TXNDC17: variants seen among roughly 807,000 people sequenced by gnomAD.
TXNDC17 encodes thioredoxin domain-containing protein 17.
A neutral mutation model predicts 16.3 loss-of-function variants in TXNDC17; 12 were observed. The ratio of observed to expected loss-of-function variants is 0.74; its 90% confidence interval spans 0.47 to 1.19. The LOEUF is 1.19. Ranked by LOEUF, TXNDC17 falls within the 50% of genes most tolerant of loss-of-function variation. TXNDC17 has a pLI of 0.00. For missense variants in TXNDC17, 158 were observed against 149.7 expected (o/e 1.06, Z -0.29); for synonymous variants, 62 against 55.0 (o/e 1.13, Z -0.56).
In TXNDC17 at chr17:6,644,332, T is replaced by A. The variant is rs1253634145; in HGVS notation, c.*1313T>A. 7.0e-6 allele frequency: 7 copies of A among 1,000,150 alleles called. No homozygotes were observed. Among genetic ancestry groups the A allele is most frequent in the Non-Finnish European group, 6.8e-6 (5 of 736,946 alleles). The allele number at this position is 1,000,150 out of a possible 1,614,324, so 62.0% of individuals were successfully genotyped here. On this transcript the variant is annotated 3_prime_UTR_variant, in exon 4 of 4. Coordinates refer to ENST00000250101, the MANE Select transcript of TXNDC17 (RefSeq NM_032731.4). ...AGTCTATTAACAATAAAAAGTTGGATGAAAAAGCACACTAAAGGTTCTAGG... is the reference window on the plus strand; with the variant it reads ...AGTCTATTAACAATAAAAAGTTGGAAGAAAAAGCACACTAAAGGTTCTAGG...
intron 3 of TXNDC17, chr17:6,642,549 G>C (rs1343995975): frequency 4.1e-6 from 2 of 486,734 alleles, no homozygotes; most frequent in African/African-American, 2.0e-5. Flanking sequence ...CCAGAAAGTA[G>C]GTTGACTCAT....
intron 2 of TXNDC17, 51 bp downstream of exon 2, chr17:6,641,885 T>C: frequency 1.3e-6 from 2 of 1,558,370 alleles, no homozygotes; most frequent in Non-Finnish European, 1.8e-6. Flanking sequence ...ATTGCATACT[T>C]AGGCGGGAAG....
Position 6,642,232 on chromosome 17 carries a change from T to G in TXNDC17, c.228-17T>G. The G allele has an allele frequency of 6.3e-7, 1 of 1,589,106 alleles. No individual in the cohort carries two copies. The highest frequency in any genetic ancestry group is 1.4e-5 in the African/African-American group (1 of 73,958). ...CCAAGTAAATTTTTTTCATGATCACTTTTTCTTTTCGAATAGTTGGAAAGA... is the reference window on the plus strand; with the variant it reads ...CCAAGTAAATTTTTTTCATGATCACGTTTTCTTTTCGAATAGTTGGAAAGA... On this transcript the variant is annotated splice_polypyrimidine_tract_variant and intron_variant, in intron 2 of 3. Coordinates refer to ENST00000250101, the MANE Select transcript of TXNDC17 (RefSeq NM_032731.4).
Position 6,644,316 on chromosome 17 carries a change from A to G in TXNDC17, c.*1297A>G. On this transcript the variant is annotated 3_prime_UTR_variant, in exon 4 of 4. Transcript: ENST00000250101. ...CAGGTTTAACAGAAATAGTCTATTAACAATAAAAAGTTGGATGAAAAAGCA... is the reference window on the plus strand; with the variant it reads ...CAGGTTTAACAGAAATAGTCTATTAGCAATAAAAAGTTGGATGAAAAAGCA... The G allele has an allele frequency of 1.2e-6, 1 of 800,662 alleles. No homozygotes were observed. Among genetic ancestry groups the G allele is most frequent in the Non-Finnish European group, 1.8e-6 (1 of 556,736 alleles). The allele number at this position is 800,662 out of a possible 1,614,324, so 49.6% of individuals were successfully genotyped here. A position where few individuals can be genotyped will look rare whatever the true frequency, so the allele number is the denominator to read the frequency against.
Position 6,642,944 on chromosome 17 carries a change from C to T in TXNDC17, c.304-7C>T. 2 of 1,611,658 alleles carry T rather than the reference C, an allele frequency of 1.2e-6. No individual in the cohort carries two copies. Among genetic ancestry groups the T allele is most frequent in the Non-Finnish European group, 1.7e-6 (2 of 1,178,006 alleles). On this transcript the variant is annotated splice_region_variant and splice_polypyrimidine_tract_variant and intron_variant, in intron 3 of 3. Coordinates refer to ENST00000250101, the MANE Select transcript of TXNDC17 (RefSeq NM_032731.4). ...GTAGTGAAGATTTGACTGTTTTTCT[C>T]TTACAGCCTCAAAAACTGGTAGAAT...
chr17:6,641,183 C>G lies in TXNDC17; in HGVS notation c.101C>G (p.Ser34Cys). Residue 34 changes from serine to cysteine, a missense_variant, in exon 1 of 4, where the codon TCT becomes TGT. Coordinates refer to ENST00000250101, the MANE Select transcript of TXNDC17 (RefSeq NM_032731.4). Reference protein sequence around the residue: ...GKTIFAYFTGSKDAGGKSWCP... With the variant: ...GKTIFAYFTGCKDAGGKSWCP... ...ACCATTTTCGCCTACTTTACGGGTT[C>G]TAAGGACGCCGGGGGGAAAAGCTGG... 2.5e-6 allele frequency: 4 copies of G among 1,613,722 alleles called. No homozygotes were observed. Among genetic ancestry groups the G allele is most frequent in the Non-Finnish European group, 3.4e-6 (4 of 1,180,022 alleles).
In TXNDC17 at chr17:6,641,966, T is replaced by C. The variant is rs1972685495; in HGVS notation, c.227+132T>C. On this transcript the variant is annotated intron_variant, in intron 2 of 3. Coordinates refer to ENST00000250101, the MANE Select transcript of TXNDC17 (RefSeq NM_032731.4). ...TGACAAGTTAAACAATTAGAAGCTA[T>C]TAAATACAAATTTAAAATGCCCACC... 3.5e-6 allele frequency: 3 copies of C among 866,160 alleles called. No homozygotes were observed. The South Asian group carries it at 4.6e-5, about 13-fold the overall frequency. 53.7% of individuals were successfully genotyped at this position (866,160 alleles called of 1,614,324 possible). A position where few individuals can be genotyped will look rare whatever the true frequency, so the allele number is the denominator to read the frequency against.
In TXNDC17 at chr17:6,643,339, TA is replaced by T. The variant is rs1972720202; in HGVS notation, c.*322del. ...CTCAAAAGATCAGTATCTTTTATTT[TA>T]AGTTATCTCCATCTGCAAAGCAACT... On this transcript the variant is annotated 3_prime_UTR_variant, in exon 4 of 4. Transcript: ENST00000250101. The T allele has an allele frequency of 9.6e-6, 2 of 208,620 alleles. No homozygotes were observed. The highest frequency in any genetic ancestry group is 2.3e-5 in the African/African-American group (1 of 43,176). 12.9% of individuals were successfully genotyped at this position (208,620 alleles called of 1,614,324 possible). A position where few individuals can be genotyped will look rare whatever the true frequency, so the allele number is the denominator to read the frequency against.
rs377529838 is a variant in TXNDC17 at position 6,642,975 on chromosome 17, T to G, written c.328T>G (p.Cys110Gly). 47 of 1,613,780 alleles carry G rather than the reference T, an allele frequency of 2.9e-5. No homozygotes were observed. The highest frequency in any genetic ancestry group is 3.6e-5 in the Non-Finnish European group (42 of 1,179,928). The stretch of plus-strand genomic sequence containing the variant: ...GCCTCAAAAACTGGTAGAATCTGAG[T>G]GTCTTCAGGCCAACCTGGTGGAAAT... ...GTPQKLVESECLQANLVEMLF... is the reference protein window; with the variant it reads ...GTPQKLVESEGLQANLVEMLF... Residue 110 changes from cysteine (C) to glycine (G), a missense_variant, in exon 4 of 4, where the codon TGT becomes GGT. By Grantham distance (159) the Cys-to-Gly change is radical. Coordinates refer to ENST00000250101, the MANE Select transcript of TXNDC17 (RefSeq NM_032731.4).
intron 2 of TXNDC17, 55 bp downstream of exon 2, chr17:6,641,889 C>CG: frequency 1.3e-6 from 2 of 1,509,978 alleles, no homozygotes; most frequent in South Asian, 1.1e-5. Context: ...CATACTTAGG[C>CG]GGGAAGGGCC....
At chr17:6,642,604 C>A in intron 3 of TXNDC17, 1 of 441,740 alleles carries the variant, frequency 2.3e-6, no homozygotes, top group Non-Finnish European at 4.0e-6. Flanking sequence ...CTGTTTAATT[C>A]ATAATTCTGG....
intron 1 of TXNDC17, 40 bp downstream of exon 1, chr17:6,641,267 G>A: frequency 1.9e-6 from 3 of 1,609,888 alleles, no homozygotes; most frequent in Non-Finnish European, 2.5e-6. Context: ...AATGGAAATG[G>A]CAGGAAGGTC....
intron 2 of TXNDC17, 113 bp downstream of exon 2, chr17:6,641,947 G>A (rs111250777): frequency 8.5e-6 from 8 of 945,882 alleles, no homozygotes; most frequent in African/African-American, 1.6e-5. Context: ...TGTCTGACAA[G>A]TTAAACAATT....
Position 6,642,934 on chromosome 17 carries a change from C to T in TXNDC17, c.304-17C>T. On this transcript the variant is annotated splice_polypyrimidine_tract_variant and intron_variant, in intron 3 of 3. Coordinates refer to ENST00000250101, the MANE Select transcript of TXNDC17 (RefSeq NM_032731.4). ...TTTTATAGAAGTAGTGAAGATTTGA[C>T]TGTTTTTCTCTTACAGCCTCAAAAA... 1 of 1,601,104 alleles carries T rather than the reference C, an allele frequency of 6.2e-7. No individual in the cohort carries two copies. Among genetic ancestry groups the T allele is most frequent in the Non-Finnish European group, 8.6e-7 (1 of 1,168,512 alleles).
In TXNDC17 at chr17:6,643,322, A is replaced by G. The variant is rs1597630684; in HGVS notation, c.*303A>G. 1 of 235,572 alleles carries G rather than the reference A, an allele frequency of 4.2e-6. No homozygotes were observed. The highest frequency in any genetic ancestry group is 9.3e-5 in the East Asian group (1 of 10,718). 14.6% of individuals were successfully genotyped at this position (235,572 alleles called of 1,614,324 possible). ...GCACACCTTCCAAATCTCTCAAAAG[A>G]TCAGTATCTTTTATTTTAAGTTATC... On this transcript the variant is annotated 3_prime_UTR_variant, in exon 4 of 4. Coordinates refer to ENST00000250101, the MANE Select transcript of TXNDC17 (RefSeq NM_032731.4).
chr17:6,641,653 G>A, intron 1 of TXNDC17, 100 bp from the exon 2 acceptor site: 1 of 1,152,810 alleles, frequency 8.7e-7, no homozygotes, highest in Admixed American at 1.9e-5. Context: ...GTTAAAGTCT[G>A]AGTGCTTACC....
At chr17:6,641,557 G>A (rs72835772) in intron 1 of TXNDC17, 196 bp from the exon 2 acceptor site, 58,069 of 654,482 alleles carry the variant, frequency 0.089, 2,993 homozygotes, top group Non-Finnish European at 0.11. Context: ...GGCAAATCGG[G>A]ACTGGGATTT....
In TXNDC17 at chr17:6,641,796, A is replaced by T. The variant is rs776602142; in HGVS notation, c.189A>T (p.Gly63=). Residue 63 remains glycine, a synonymous_variant, in exon 2 of 4, where the codon GGA becomes GGT. Transcript: ENST00000250101. ...AGGGGCTGAAGCACATTAGTGAAGG[A>T]TGTGTGTTCATCTACTGCCAAGTAG... ...VREGLKHISE[G]CVFIYCQVGE... 5.0e-6 allele frequency: 8 copies of T among 1,614,132 alleles called. No homozygotes were observed. The highest frequency in any genetic ancestry group is 6.8e-6 in the Non-Finnish European group (8 of 1,180,008).
In TXNDC17 at chr17:6,643,330, CTTTTA is replaced by C. The variant is rs749436439; in HGVS notation, c.*317_*321del. The C allele has an allele frequency of 3.7e-4, 81 of 220,344 alleles. 1 individual carries two copies. Among genetic ancestry groups the C allele is most frequent in the Non-Finnish European group, 5.9e-4 (66 of 111,576 alleles). The allele number at this position is 220,344 out of a possible 1,614,324, so 13.6% of individuals were successfully genotyped here. Reference sequence around the variant, plus strand: ...TCCAAATCTCTCAAAAGATCAGTATCTTTTATTTTAAGTTATCTCCATCTGCAAAG... The same window carrying C: ...TCCAAATCTCTCAAAAGATCAGTATCTTTTAAGTTATCTCCATCTGCAAAG... On this transcript the variant is annotated 3_prime_UTR_variant, in exon 4 of 4. Transcript: ENST00000250101.
Sources: gnomAD v4.1 joint callset for allele counts on GRCh38, gnomAD v4.1.1 for gene constraint, MANE v1.5 for transcripts, NCBI Gene and HGNC (gene_info 2026-07-23, HGNC 2026-07-21) for gene names.